The following SETD5 variants were observed in gnomAD, a reference collection of about 807,000 sequenced individuals.
SETD5 encodes histone-lysine N-methyltransferase SETD5.
In SETD5, 44 loss-of-function variants were observed where a neutral mutation model predicts 153.3. The ratio of observed to expected loss-of-function variants is 0.29; its 90% CI spans 0.23 to 0.37. SETD5 has a LOEUF of 0.37. Among genes scored for constraint, SETD5 ranks in the 10% least tolerant of loss-of-function variants. The pLI is 1.00. For synonymous variants in SETD5, 716 were observed against 645.2 expected (o/e 1.11, Z -1.66); for missense variants, 1,544 against 1,768.0 (o/e 0.87, Z 2.27).
intron 1 of SETD5, among the ~76,000 whole-genome samples, chr3:9,423,851 G>A (rs2038774166): frequency 6.6e-6 from 1 of 152,186 alleles, no homozygotes; most frequent in South Asian, 2.1e-4. Context: ...AAAGGATACT[G>A]ATCATTTTCC....
intron 18 of SETD5, among the ~76,000 whole-genome samples, chr3:9,468,041 C>G (rs1158760273): frequency 6.6e-6 from 1 of 151,048 alleles, no homozygotes; most frequent in South Asian, 2.1e-4. Context: ...AATGTCTCCC[C>G]CTGGATAGCA....
chr3:9,434,652 G>A lies in SETD5; in HGVS notation c.329+167G>A. 2 of 1,469,932 alleles carry A rather than the reference G, an allele frequency of 1.4e-6. No homozygotes were observed. Among genetic ancestry groups the A allele is most frequent in the East Asian group, 5.0e-5 (2 of 40,370 alleles). The allele number at this position is 1,469,932 out of a possible 1,614,324, so 91.1% of individuals were successfully genotyped here. A position where few individuals can be genotyped will look rare whatever the true frequency, so the allele number is the denominator to read the frequency against. On this transcript the variant is annotated intron_variant, in intron 5 of 22. Transcript: ENST00000402198. This position sits in a 1 kb window ranked among gnomAD's most constrained non-coding sequence, Gnocchi z 5.6. ...CTAGGTGAGAATTGCTGACAACAAG[G>A]AATGAGAGATTGATGTTAAAGCTAT...
At position 9,434,134 on chromosome 3, in the gene SETD5, T is replaced by G; in HGVS notation, c.177+184T>G. On this transcript the variant is annotated intron_variant, in intron 4 of 22. Coordinates refer to ENST00000402198, the MANE Select transcript of SETD5 (RefSeq NM_001080517.3). This position sits in a 1 kb window ranked among gnomAD's most constrained non-coding sequence, Gnocchi z 5.6. ...TCTTGTTTTTATGTCCCAGTTGACC[T>G]TGGCATTTTGTTTTATCACTTTCCT... 1 of 1,548,560 alleles carries G rather than the reference T, an allele frequency of 6.5e-7. No homozygotes were observed. Among genetic ancestry groups the G allele is most frequent in the Non-Finnish European group, 8.7e-7 (1 of 1,147,972 alleles).
chr3:9,429,922 C>T, intron 3 of SETD5: 1 of 1,302,848 alleles, frequency 7.7e-7, no homozygotes, highest in Non-Finnish European at 1.0e-6. Flanking sequence ...TAGGGGGCAG[C>T]ACACCCCCAG....
At chr3:9,436,458 C>G (rs1393511561) in intron 7 of SETD5, among the ~76,000 whole-genome samples, 2 of 152,226 alleles carry the variant, frequency 1.3e-5, no homozygotes, top group Non-Finnish European at 1.5e-5. Context: ...AACTTTGTTG[C>G]TTCTAGGTGA....
intron 17 of SETD5, among the ~76,000 whole-genome samples, chr3:9,458,769 A>G (rs1180285622): frequency 1.3e-5 from 2 of 152,214 alleles, no homozygotes; most frequent in Non-Finnish European, 2.9e-5. Flanking sequence ...TATCATGTGC[A>G]TTAAAAATAT....
chr3:9,400,355 A>G (rs1437598260), intron 1 of SETD5, among the ~76,000 whole-genome samples: 1 of 152,214 alleles, frequency 6.6e-6, no homozygotes, highest in Non-Finnish European at 1.5e-5. Context: ...AATAATTTTA[A>G]GAATCTTTCT....
rs1487803184 is a variant in SETD5, at chr3:9,442,363, A to G, written c.1077+118A>G. On this transcript the variant is annotated intron_variant, in intron 10 of 22. Coordinates refer to ENST00000402198, the MANE Select transcript of SETD5 (RefSeq NM_001080517.3). ...CTGTAGATAATAGTCGTGATATTTC[A>G]TCGTGGGAGGTGAAAAACAAAAGTA... The G allele has an allele frequency of 1.2e-5, 9 of 731,184 alleles. No homozygotes were observed. In the Admixed American group the frequency reaches 2.0e-4, roughly 16 times the overall value. The allele number at this position is 731,184 out of a possible 1,614,324, so 45.3% of individuals were successfully genotyped here.
intron 1 of SETD5, among the ~76,000 whole-genome samples, chr3:9,405,597 A>T (rs2035525329): frequency 6.6e-6 from 1 of 152,250 alleles, no homozygotes; most frequent in African/African-American, 2.4e-5. Context: ...TGAAGACTCA[A>T]ATAAAACTGA....
intron 1 of SETD5, among the ~76,000 whole-genome samples, chr3:9,407,427 G>A (rs570272880): frequency 6.6e-6 from 1 of 152,190 alleles, no homozygotes; most frequent in Admixed American, 6.5e-5. Flanking sequence ...TTTAGAGAAG[G>A]AAGGCTCTAG....
At chr3:9,466,165 G>A (rs2044541419) in intron 18 of SETD5, among the ~76,000 whole-genome samples, 1 of 151,798 alleles carries the variant, frequency 6.6e-6, no homozygotes, top group South Asian at 2.1e-4. Flanking sequence ...GTGGGCGCCT[G>A]TAGTCCCAGC....
At position 9,406,117 on chromosome 3, in the gene SETD5, T is replaced by TA. The variant is rs528338484; in HGVS notation, c.-177+8142dup. ...GGCTGTTGAGAGTTGACTTGTTTTA[T>TA]AAGAGAAACCAGATTGACAGAGAAG... On this transcript the variant is annotated intron_variant, in intron 1 of 22. Coordinates refer to ENST00000402198, the MANE Select transcript of SETD5 (RefSeq NM_001080517.3). Among the ~76,000 whole-genome samples, 206 of 152,320 alleles carry TA rather than the reference T, an allele frequency of 1.4e-3. 5 individuals carry two copies. In the East Asian group the frequency reaches 0.025, roughly 18 times the overall value.
At chr3:9,403,529 G>A (rs113362967) in intron 1 of SETD5, among the ~76,000 whole-genome samples, 21 of 152,284 alleles carry the variant, frequency 1.4e-4, no homozygotes, top group African/African-American at 4.8e-4. Flanking sequence ...AAGATAGGTA[G>A]CACATTACAG....
chr3:9,468,626 A>T, intron 18 of SETD5: 1 of 1,294,436 alleles, frequency 7.7e-7, no homozygotes, highest in Admixed American at 2.3e-5. Flanking sequence ...GTGAGTGTTC[A>T]TGAATGTGTT....
At chr3:9,468,878 G>T (rs2044961970) in intron 18 of SETD5, among the ~76,000 whole-genome samples, 1 of 152,024 alleles carries the variant, frequency 6.6e-6, no homozygotes, top group Non-Finnish European at 1.5e-5. Context: ...TTCTATTAAA[G>T]AATAGAATCT....
chr3:9,427,967 C>T (rs2039506630), intron 2 of SETD5, among the ~76,000 whole-genome samples: 1 of 152,186 alleles, frequency 6.6e-6, no homozygotes, highest in African/African-American at 2.4e-5. Context: ...AAGCTATCCT[C>T]ACCGCTTTTT....
At chr3:9,415,057 C>T (rs1575230613) in intron 1 of SETD5, among the ~76,000 whole-genome samples, 2 of 152,062 alleles carry the variant, frequency 1.3e-5, no homozygotes, top group African/African-American at 4.8e-5. Context: ...TCTGATATGA[C>T]AGGAAAACTA....
chr3:9,456,495 A>C (rs1275752625), intron 17 of SETD5, among the ~76,000 whole-genome samples: 14 of 151,732 alleles, frequency 9.2e-5, no homozygotes, highest in Non-Finnish European at 4.4e-5. Context: ...AAAAAAAAAA[A>C]AACAAGTCTC....
rs2044651340 is a variant in SETD5, at chr3:9,466,930, G to A, written c.2724+2258G>A. The stretch of plus-strand genomic sequence containing the variant: ...TGTAGTCCCAGCTACTTGGGAGGCT[G>A]AAGCAGGAAGATCACTTAAGACCAG... On this transcript the variant is annotated intron_variant, in intron 18 of 22. Coordinates refer to ENST00000402198, the MANE Select transcript of SETD5 (RefSeq NM_001080517.3). 2.0e-5 allele frequency among the ~76,000 whole-genome samples: 3 copies of A among 152,122 alleles called. 1 individual carries two copies. In the South Asian group the frequency reaches 6.2e-4, roughly 32 times the overall value.
Sources: gnomAD v4.1 joint callset for allele counts (sites outside exome capture counted in the v4.1 genomes callset) on GRCh38, gnomAD v4.1.1 for gene constraint, Gnocchi (gnomAD v3.1) non-coding constraint, MANE v1.5 for transcripts, NCBI Gene and HGNC (gene_info 2026-07-23, HGNC 2026-07-21) for gene names.